ZNF689: variants seen among roughly 807,000 people sequenced by gnomAD.
ZNF689 encodes the protein zinc finger protein 689.
A neutral mutation model predicts 37.2 loss-of-function variants in ZNF689; 14 were observed. The observed-to-expected ratio is 0.38, with a 90% CI of 0.25 to 0.59. ZNF689 has a LOEUF of 0.59. ZNF689 is among the 20% of genes least tolerant of loss of function. ZNF689 has a pLI of 0.68. For missense variants in ZNF689, 573 were observed against 700.2 expected (o/e 0.82, Z 2.05); for synonymous variants, 277 against 283.3 (o/e 0.98, Z 0.22).
chr16:30,606,256 T>C (rs2052035122), intron 2 of ZNF689, among the ~76,000 whole-genome samples: 1 of 152,116 alleles, frequency 6.6e-6, no homozygotes, highest in Admixed American at 6.6e-5. Flanking sequence ...TGAACCATGA[T>C]GGCACCACTG....
Position 30,610,164 on chromosome 16 carries a change from G to A in ZNF689, c.-123C>T. 1.6e-6 allele frequency: 2 copies of A among 1,224,842 alleles called. No individual in the cohort carries two copies. Among genetic ancestry groups the A allele is most frequent in the Non-Finnish European group, 2.2e-6 (2 of 905,616 alleles). The allele number at this position is 1,224,842 out of a possible 1,614,324, so 75.9% of individuals were successfully genotyped here. ...CTGAGCGTGGCCGGGGAGGCCCGGA[G>A]GGAATCGGAATTGGTCGCCCGCGGG... On this transcript the variant is annotated 5_prime_UTR_variant, in exon 1 of 3. Transcript: ENST00000287461.
Position 30,605,511 on chromosome 16 carries a change from T to C in ZNF689, c.320-64A>G, listed in dbSNP as rs1260405478. 2.6e-6 allele frequency: 4 copies of C among 1,535,720 alleles called. No homozygotes were observed. Among genetic ancestry groups the C allele is most frequent in the East Asian group, 2.3e-5 (1 of 44,386 alleles). On this transcript the variant is annotated intron_variant, in intron 2 of 2. Transcript: ENST00000287461. The surrounding 1 kb of genome is among the most constrained non-coding windows in gnomAD (Gnocchi z 5.1). ...GCTCCTGCTCTTGTCAATTACATTA[T>C]AGGTTACAAGACCAATAGACTCACC...
In ZNF689 at chr16:30,604,079, T is replaced by C. The variant is rs573460470; in HGVS notation, c.*185A>G. 7 of 741,968 alleles carry C rather than the reference T, an allele frequency of 9.4e-6. No individual in the cohort carries two copies. The East Asian group carries it at 1.6e-4, about 17-fold the overall frequency. 46.0% of individuals were successfully genotyped at this position (741,968 alleles called of 1,614,324 possible). ...AACTTTAAGCAAATGACGTCACCTC[T>C]CCTAATGGGACTGTTCCAGACACGC... On this transcript the variant is annotated 3_prime_UTR_variant, in exon 3 of 3. Transcript: ENST00000287461. The surrounding 1 kb of genome is among the most constrained non-coding windows in gnomAD (Gnocchi z 5.2).
intron 2 of ZNF689, among the ~76,000 whole-genome samples, chr16:30,606,078 G>A (rs963648588): frequency 2.6e-5 from 4 of 152,014 alleles, no homozygotes; most frequent in East Asian, 1.9e-4. Flanking sequence ...GCAAGAGATC[G>A]CTTGAACCCA....
At position 30,604,868 on chromosome 16, in the gene ZNF689, T is replaced by C. The variant is rs1229334095; in HGVS notation, c.899A>G (p.Gln300Arg). 6.3e-7 allele frequency: 1 copy of C among 1,586,262 alleles called. No individual in the cohort carries two copies. The highest frequency in any genetic ancestry group is 8.6e-7 in the Non-Finnish European group (1 of 1,166,074). Residue 300 changes from glutamine (Q) to arginine (R), a missense_variant, in exon 3 of 3, where the codon CAG becomes CGG. Around this residue, in one of 3 missense-constraint regions of ZNF689, gnomAD observed 317 missense variants for 367.1 expected, o/e 0.86. Coordinates refer to ENST00000287461, the MANE Select transcript of ZNF689 (RefSeq NM_138447.3). The surrounding 1 kb of genome is among the most constrained non-coding windows in gnomAD (Gnocchi z 5.2). ...CTGGTGGATGACGAGGGCCGTGCGC[T>C]GGCGGAAGCGGCGGTTGCACTCGAG... ...TCLECNRRFR[Q>R]RTALVIHQRI...
chr16:30,609,364 G>T (rs1310571144), intron 2 of ZNF689, 161 bp downstream of exon 2: 2 of 530,914 alleles, frequency 3.8e-6, no homozygotes, highest in Non-Finnish European at 6.8e-6. Flanking sequence ...GAATCTCTGT[G>T]TGGTGGACCG....
chr16:30,609,644 GAA>G lies in ZNF689; in HGVS notation c.206-8_206-7del, dbSNP rs1567529436. On this transcript the variant is annotated splice_region_variant and splice_polypyrimidine_tract_variant and intron_variant, in intron 1 of 2. Coordinates refer to ENST00000287461, the MANE Select transcript of ZNF689 (RefSeq NM_138447.3). ...TGGTTTGGGACCTGCGCACCCTGGGGAAAGAGAACAAATCAGAAGGCCAGCTC... is the reference window on the plus strand; with the variant it reads ...TGGTTTGGGACCTGCGCACCCTGGGGAGAGAACAAATCAGAAGGCCAGCTC... 1.9e-6 allele frequency: 3 copies of G among 1,613,922 alleles called. No individual in the cohort carries two copies. The highest frequency in any genetic ancestry group is 2.5e-6 in the Non-Finnish European group (3 of 1,179,972).
At position 30,602,618 on chromosome 16, in the gene ZNF689, C is replaced by T. The variant is rs2051987855; in HGVS notation, c.*1646G>A. On this transcript the variant is annotated 3_prime_UTR_variant, in exon 3 of 3. Transcript: ENST00000287461. Reference sequence around the variant, plus strand: ...ATATGACCCCTTCTTGGGGGTAGCTCATCATCCAAGGAGAAACAAACAGTT... The same window carrying T: ...ATATGACCCCTTCTTGGGGGTAGCTTATCATCCAAGGAGAAACAAACAGTT... 6.6e-6 allele frequency: 1 copy of T among 152,184 alleles called. No homozygotes were observed. Among genetic ancestry groups the T allele is most frequent in the South Asian group, 2.1e-4 (1 of 4,832 alleles). The allele number at this position is 152,184 out of a possible 1,614,324, so 9.4% of individuals were successfully genotyped here.
chr16:30,609,588 C>A lies in ZNF689; in HGVS notation c.256G>T (p.Asp86Tyr), dbSNP rs1286373148. 6.2e-7 allele frequency: 1 copy of A among 1,614,096 alleles called. No individual in the cohort carries two copies. Residue 86 changes from aspartate to tyrosine, a missense_variant, in exon 2 of 3, where the codon GAT becomes TAT. Asp to Tyr is a radical substitution (Grantham distance 160). Coordinates refer to ENST00000287461, the MANE Select transcript of ZNF689 (RefSeq NM_138447.3). ...TCTAGAGCAGCCGGTTCCCAGTCAT[C>A]GGTGTTTCGTTCCAACCAGGAGATG... ...ALISWLERNT[D>Y]DWEPAALDPQ...
Position 30,603,367 on chromosome 16 carries a change from T to C in ZNF689, c.*897A>G, listed in dbSNP as rs1028905301. On this transcript the variant is annotated 3_prime_UTR_variant, in exon 3 of 3. Transcript: ENST00000287461. ...AGATGAAGACTTAGTTTTATAGCTT[T>C]TTTTTTTTTTTTTAAGTTTAGGGCA... is the stretch of plus-strand genomic sequence containing the variant. The C allele has an allele frequency of 2.8e-5, 3 of 107,610 alleles. No individual in the cohort carries two copies. Among genetic ancestry groups the C allele is most frequent in the African/African-American group, 1.4e-4 (3 of 21,804 alleles). 6.7% of individuals were successfully genotyped at this position (107,610 alleles called of 1,614,324 possible). A position where few individuals can be genotyped will look rare whatever the true frequency, so the allele number is the denominator to read the frequency against.
chr16:30,609,854 C>T lies in ZNF689; in HGVS notation c.188G>A (p.Gly63Asp), dbSNP rs771476652. 7 of 1,607,528 alleles carry T rather than the reference C, an allele frequency of 4.4e-6. No individual in the cohort carries two copies. The African/African-American group carries it at 9.4e-5, about 21-fold the overall frequency. ...LYRDVMRETY[G>D]HLGALGCAGP... ...GGCCTCACCGAGCGCGCCCAGGTGA[C>T]CGTAGGTCTCCCGCATCACGTCCCG... Residue 63 changes from glycine to aspartate, a missense_variant, in exon 1 of 3, where the codon GGT (glycine) becomes GAT (aspartate). Physicochemically the swap from Gly to Asp is moderately conservative, Grantham distance 94. This residue lies in a region of ZNF689 where 252 missense variants were observed against 313.3 expected (regional missense o/e 0.80). Coordinates refer to ENST00000287461, the MANE Select transcript of ZNF689 (RefSeq NM_138447.3).
chr16:30,605,052 C>T lies in ZNF689; in HGVS notation c.715G>A (p.Gly239Ser). ...GEKPYHCPDC[G>S]RCFRRSRSLA... ...GACCGGCTCCTCCGGAAGCAGCGAC[C>T]ACAGTCAGGGCAGTGATAGGGCTTC... The change falls in exon 3 of 3, where the codon GGT becomes AGT. Residue 239 changes from glycine to serine, a missense_variant. Physicochemically the swap from Gly to Ser is moderately conservative, Grantham distance 56 (BLOSUM62 0). This residue lies in a region of ZNF689 where 4 missense variants were observed against 19.8 expected (regional missense o/e 0.20). Coordinates refer to ENST00000287461, the MANE Select transcript of ZNF689 (RefSeq NM_138447.3). This position sits in a 1 kb window ranked among gnomAD's most constrained non-coding sequence, Gnocchi z 5.1. 6.2e-7 allele frequency: 1 copy of T among 1,613,772 alleles called. No individual in the cohort carries two copies. The highest frequency in any genetic ancestry group is 8.5e-7 in the Non-Finnish European group (1 of 1,179,772).
Position 30,605,329 on chromosome 16 carries a change from G to A in ZNF689, c.438C>T (p.Ser146=), listed in dbSNP as rs985431512. 5.6e-6 allele frequency: 9 copies of A among 1,612,626 alleles called. No individual in the cohort carries two copies. The African/African-American group carries it at 1.1e-4, about 19-fold the overall frequency. The part of the protein sequence containing the change: ...SKPRLIPRQT[S]GGPICPDCGC... ...CGCAGTCAGGGCAGATGGGGCCCCC[G>A]GACGTCTGCCTAGGAATCAGTCGGG... The change falls in exon 3 of 3, where the codon TCC becomes TCT. Residue 146 remains serine (S), a synonymous_variant. Transcript: ENST00000287461. The surrounding 1 kb of genome is among the most constrained non-coding windows in gnomAD (Gnocchi z 5.1).
At chr16:30,609,386 C>T in intron 2 of ZNF689, 139 bp downstream of exon 2, 2 of 682,304 alleles carry the variant, frequency 2.9e-6, no homozygotes, top group Non-Finnish European at 5.0e-6. Flanking sequence ...CCCCACACCA[C>T]CAGACACAAG....
rs1250729307 is a variant in ZNF689, at chr16:30,603,072, G to C, written c.*1192C>G. 6.6e-6 allele frequency: 1 copy of C among 152,160 alleles called. No individual in the cohort carries two copies. Among genetic ancestry groups the C allele is most frequent in the Non-Finnish European group, 1.5e-5 (1 of 68,056 alleles). 9.4% of individuals were successfully genotyped at this position (152,160 alleles called of 1,614,324 possible). On this transcript the variant is annotated 3_prime_UTR_variant, in exon 3 of 3. Coordinates refer to ENST00000287461, the MANE Select transcript of ZNF689 (RefSeq NM_138447.3). ...ATTTTGTGAAAAAATGCTGACTGAG[G>C]CCTCATGGAAGTTCTGTGCCGATTC...
chr16:30,609,137 G>GT (rs1237041751), intron 2 of ZNF689, among the ~76,000 whole-genome samples: 2 of 152,128 alleles, frequency 1.3e-5, no homozygotes, highest in Admixed American at 6.6e-5. Flanking sequence ...GGTAGCACCT[G>GT]TTAAAAGCTC....
At position 30,604,316 on chromosome 16, in the gene ZNF689, C is replaced by T. The variant is rs1165743545; in HGVS notation, c.1451G>A (p.Cys484Tyr). The T allele has an allele frequency of 8.1e-6, 13 of 1,613,942 alleles. No homozygotes were observed. The highest frequency in any genetic ancestry group is 1.3e-5 in the African/African-American group (1 of 74,944). The change falls in exon 3 of 3, where the codon TGT (cysteine) becomes TAT (tyrosine). Residue 484 changes from cysteine (C) to tyrosine (Y), a missense_variant. By Grantham distance (194) the Cys-to-Tyr change is radical. Transcript: ENST00000287461. This position sits in a 1 kb window ranked among gnomAD's most constrained non-coding sequence, Gnocchi z 5.2. The part of the protein sequence containing the change: ...VHKCSPKAPN[C>Y]SPRSAIGGSS... ...GCCCCCGATAGCAGATCTAGGGCTA[C>T]AGTTTGGGGCCTTGGGGCTACACTT...
At position 30,605,182 on chromosome 16, in the gene ZNF689, G is replaced by C. The variant is rs1157693535; in HGVS notation, c.585C>G (p.His195Gln). ...GGCACTCGCCGGAGTGTGCCCGCCGGTGACTGACCAGCAGGGATGGATAGG... is the reference window on the plus strand; with the variant it reads ...GGCACTCGCCGGAGTGTGCCCGCCGCTGACTGACCAGCAGGGATGGATAGG... ...RFSYPSLLVS[H>Q]RRAHSGECPY... The change falls in exon 3 of 3, where the codon CAC (histidine) becomes CAG (glutamine). Residue 195 changes from histidine (H) to glutamine (Q), a missense_variant. Coordinates refer to ENST00000287461, the MANE Select transcript of ZNF689 (RefSeq NM_138447.3). The surrounding 1 kb of genome is among the most constrained non-coding windows in gnomAD (Gnocchi z 5.1). The C allele has an allele frequency of 6.2e-7, 1 of 1,614,128 alleles. No individual in the cohort carries two copies. The highest frequency in any genetic ancestry group is 8.5e-7 in the Non-Finnish European group (1 of 1,180,034).
rs749117312 is a variant in ZNF689, at chr16:30,610,354, C to A, written c.-313G>T. On this transcript the variant is annotated 5_prime_UTR_variant, in exon 1 of 3. Transcript: ENST00000287461. ...GATTTTATTGACCGGAGCGCCATGCCGGCTTCCTAACCTCTTTGCCCTCAA... is the reference window on the plus strand; with the variant it reads ...GATTTTATTGACCGGAGCGCCATGCAGGCTTCCTAACCTCTTTGCCCTCAA... 5.3e-6 allele frequency: 2 copies of A among 379,886 alleles called. No homozygotes were observed. Among genetic ancestry groups the A allele is most frequent in the Non-Finnish European group, 9.6e-6 (2 of 208,872 alleles). The allele number at this position is 379,886 out of a possible 1,614,324, so 23.5% of individuals were successfully genotyped here. A position where few individuals can be genotyped will look rare whatever the true frequency, so the allele number is the denominator to read the frequency against.
Sources: gnomAD v4.1 joint callset for allele counts (sites outside exome capture counted in the v4.1 genomes callset) on GRCh38, gnomAD v4.1.1 for gene constraint, gnomAD v4.1.1 regional missense constraint, Gnocchi (gnomAD v3.1) non-coding constraint, MANE v1.5 for transcripts, NCBI Gene and HGNC (gene_info 2026-07-23, HGNC 2026-07-21) for gene names.